The following LDLRAD4 variants were observed in gnomAD, a reference collection of about 807,000 sequenced individuals.
LDLRAD4 encodes the protein low-density lipoprotein receptor class A domain-containing protein 4.
In LDLRAD4, 5 loss-of-function variants were observed where a neutral mutation model predicts 17.0. The ratio of observed to expected loss-of-function variants is 0.29; its 90% CI spans 0.15 to 0.62. The LOEUF (loss-of-function observed/expected upper bound fraction) is 0.62. LDLRAD4 is among the 20% of genes least tolerant of loss of function. The pLI is 0.84. For missense variants in LDLRAD4, 340 were observed against 424.7 expected (o/e 0.80, Z 1.75); for synonymous variants, 168 against 171.8 (o/e 0.98, Z 0.17).
intron 1 of LDLRAD4, among the ~76,000 whole-genome samples, chr18:13,316,786 T>G (rs1175984228): frequency 1.3e-5 from 2 of 152,142 alleles, no homozygotes; most frequent in East Asian, 3.9e-4. Context: ...TAATGCATGA[T>G]GCATGTGGTG....
intron 1 of LDLRAD4, among the ~76,000 whole-genome samples, chr18:13,305,900 T>TTA (rs1466404800): frequency 3.9e-5 from 6 of 152,128 alleles, no homozygotes; most frequent in African/African-American, 1.4e-4. Context: ...TAGACTCTAA[T>TTA]AAGATTTGAG....
At chr18:13,579,969 G>A (rs1416510577) in intron 3 of LDLRAD4, among the ~76,000 whole-genome samples, 1 of 152,118 alleles carries the variant, frequency 6.6e-6, no homozygotes, top group East Asian at 1.9e-4. Flanking sequence ...CCCTTCTAGG[G>A]CCCCTAGTCA....
intron 3 of LDLRAD4, among the ~76,000 whole-genome samples, chr18:13,473,635 T>TCA (rs2092838326): frequency 1.4e-4 from 4 of 28,370 alleles, no homozygotes; most frequent in Non-Finnish European, 3.0e-4. Context: ...AGATCCCATC[T>TCA]CATATATATA....
At chr18:13,639,106 A>G (rs1488523973) in intron 4 of LDLRAD4, among the ~76,000 whole-genome samples, 1 of 152,240 alleles carries the variant, frequency 6.6e-6, no homozygotes, top group African/African-American at 2.4e-5. Context: ...TACTTTAAGT[A>G]TTATCTTATT....
At chr18:13,247,854 C>G (rs1028261324) in intron 1 of LDLRAD4, among the ~76,000 whole-genome samples, 1 of 152,042 alleles carries the variant, frequency 6.6e-6, no homozygotes, top group Non-Finnish European at 1.5e-5. Context: ...CTGGAGAACC[C>G]GCTCACTCTG....
At chr18:13,350,198 A>G (rs2082958712) in intron 1 of LDLRAD4, among the ~76,000 whole-genome samples, 1 of 152,208 alleles carries the variant, frequency 6.6e-6, no homozygotes, top group Admixed American at 6.5e-5. Context: ...TCCTTGAGGA[A>G]TCGCCACACT....
chr18:13,633,902 C>T (rs2041878771), intron 4 of LDLRAD4, among the ~76,000 whole-genome samples: 1 of 152,234 alleles, frequency 6.6e-6, no homozygotes, highest in Admixed American at 6.5e-5. Context: ...CTCACCGGCT[C>T]CGTGGAGCAC....
chr18:13,612,548 C>A lies in LDLRAD4; in HGVS notation c.182-8569C>A, dbSNP rs566041186. 449 of 1,383,796 alleles carry A rather than the reference C, an allele frequency of 3.2e-4. 2 individuals carry two copies. The African/African-American group carries it at 4.8e-3, about 15-fold the overall frequency. 85.7% of individuals were successfully genotyped at this position (1,383,796 alleles called of 1,614,324 possible). A position where few individuals can be genotyped will look rare whatever the true frequency, so the allele number is the denominator to read the frequency against. On this transcript the variant is annotated intron_variant, in intron 3 of 5. Transcript: ENST00000359446. ...TGAACGAGGCAGACAGAAACACACCCCCCCCCCCTCCACGCTCACACACTC... is the reference window on the plus strand; with the variant it reads ...TGAACGAGGCAGACAGAAACACACCACCCCCCCCTCCACGCTCACACACTC...
At chr18:13,485,583 G>A (rs1285381923) in intron 3 of LDLRAD4, among the ~76,000 whole-genome samples, 1 of 152,226 alleles carries the variant, frequency 6.6e-6, no homozygotes, top group Non-Finnish European at 1.5e-5. Flanking sequence ...ACAGAGATGT[G>A]CCCTGCTGGG....
chr18:13,462,176 T>C (rs1376710993), intron 3 of LDLRAD4: 1 of 152,290 alleles, frequency 6.6e-6, no homozygotes, highest in East Asian at 1.9e-4. Flanking sequence ...AGGCAGGCAC[T>C]TGTGGACTTC....
intron 3 of LDLRAD4, among the ~76,000 whole-genome samples, chr18:13,590,198 T>C (rs927126279): frequency 6.6e-6 from 1 of 150,430 alleles, no homozygotes; most frequent in Non-Finnish European, 1.5e-5. Flanking sequence ...GAGATGTGGG[T>C]AAGGGTTTGT....
chr18:13,362,348 A>C (rs1263292080), intron 1 of LDLRAD4: 1 of 152,226 alleles, frequency 6.6e-6, no homozygotes, highest in African/African-American at 2.4e-5. Context: ...CTTATCATTC[A>C]GTCTTTTGCA....
chr18:13,397,738 G>A (rs77049720), intron 2 of LDLRAD4, among the ~76,000 whole-genome samples: 1,716 of 152,284 alleles, frequency 0.011, 24 homozygotes, highest in African/African-American at 0.03. Flanking sequence ...GACAAAGCAC[G>A]GTGCTACCAC....
intron 2 of LDLRAD4, among the ~76,000 whole-genome samples, chr18:13,426,962 G>A (rs1469624171): frequency 6.6e-6 from 1 of 152,128 alleles, no homozygotes; most frequent in Non-Finnish European, 1.5e-5. Context: ...GAGGCGGGCG[G>A]ATCACGAAGT....
intron 1 of LDLRAD4, among the ~76,000 whole-genome samples, chr18:13,296,274 T>G (rs752224121): frequency 6.6e-6 from 1 of 152,206 alleles, no homozygotes; most frequent in African/African-American, 2.4e-5. Flanking sequence ...TGTTTTAGGG[T>G]CCTCTGTCAG....
intron 2 of LDLRAD4, among the ~76,000 whole-genome samples, chr18:13,402,408 G>A (rs1268007174): frequency 6.6e-6 from 1 of 152,166 alleles, no homozygotes; most frequent in East Asian, 1.9e-4. Context: ...CAGGATTGTT[G>A]TCTCCAATAA....
chr18:13,369,941 C>A (rs7230215), intron 1 of LDLRAD4, among the ~76,000 whole-genome samples: 1 of 152,006 alleles, frequency 6.6e-6, no homozygotes, highest in African/African-American at 2.4e-5. Flanking sequence ...CACCCAGGAG[C>A]GAGCCGTGGC....
At chr18:13,277,308 G>A (rs570610476), upstream of LDLRAD4, among the ~76,000 whole-genome samples, 6 of 152,302 alleles carry the variant, frequency 3.9e-5, no homozygotes, top group Non-Finnish European at 5.9e-5. Context: ...ACTGGAGGGC[G>A]GGGTGCTGAG....
chr18:13,419,133 G>T (rs1480927503), intron 2 of LDLRAD4, among the ~76,000 whole-genome samples: 2 of 152,132 alleles, frequency 1.3e-5, no homozygotes, highest in Admixed American at 6.5e-5. Context: ...GTTATACTTT[G>T]CTGCATTTTA....
Sources: gnomAD v4.1 joint callset for allele counts (sites outside exome capture counted in the v4.1 genomes callset) on GRCh38, gnomAD v4.1.1 for gene constraint, MANE v1.5 for transcripts, NCBI Gene and HGNC (gene_info 2026-07-23, HGNC 2026-07-21) for gene names.